UBE2E2: variants seen among roughly 807,000 people sequenced by gnomAD.
UBE2E2 encodes ubiquitin-conjugating enzyme E2 E2.
Under a neutral mutation model 24.7 loss-of-function variants are expected in UBE2E2, and 6 were observed. The observed-to-expected ratio is 0.24, with a 90% CI of 0.13 to 0.48. The LOEUF is 0.48. Among genes scored for constraint, UBE2E2 ranks in the 20% least tolerant of loss-of-function variants. The probability of loss-of-function intolerance (pLI) is 0.99; values close to 1 mark genes in which losing one functional copy is unlikely to be tolerated. For missense variants in UBE2E2, 169 were observed against 245.0 expected, an observed-to-expected ratio of 0.69 and a Z score of 2.07; for synonymous variants, 104 against 83.6, an observed-to-expected ratio of 1.24 and a Z score of -1.33.
rs140116573 is a variant in UBE2E2, at chr3:23,499,623, A to C, written c.243A>C (p.Gly81=). Residue 81 remains glycine (G), a synonymous_variant, in exon 4 of 6, where the codon GGA becomes GGC. Transcript: ENST00000396703. ...CTTATTTCAGTGCTGGACCCAAAGGAGACAACATTTATGAATGGAGGTCAA... is the reference window on the plus strand; with the variant it reads ...CTTATTTCAGTGCTGGACCCAAAGGCGACAACATTTATGAATGGAGGTCAA... ...PPPNCSAGPK[G]DNIYEWRSTI... is the part of the protein sequence containing the mutation. 27 of 1,613,386 alleles carry C rather than the reference A, an allele frequency of 1.7e-5. No homozygotes were observed. The African/African-American group carries it at 2.9e-4, about 18-fold the overall frequency.
chr3:23,270,447 T>C (rs1437046654), intron 3 of UBE2E2, among the ~76,000 whole-genome samples: 2 of 152,146 alleles, frequency 1.3e-5, no homozygotes, highest in Non-Finnish European at 2.9e-5. Flanking sequence ...GGTAGGAACC[T>C]GGAACCAAGG....
intron 5 of UBE2E2, among the ~76,000 whole-genome samples, chr3:23,543,206 C>T (rs1237648783): frequency 6.6e-6 from 1 of 152,074 alleles, no homozygotes; most frequent in Non-Finnish European, 1.5e-5. Context: ...GAAGTCCTAG[C>T]CAGAACAATC....
intron 3 of UBE2E2, among the ~76,000 whole-genome samples, chr3:23,274,763 A>G (rs1698339048): frequency 6.6e-6 from 1 of 152,198 alleles, no homozygotes; most frequent in Non-Finnish European, 1.5e-5. Context: ...TACACTGGAT[A>G]TTATTTGTAA....
chr3:23,347,728 C>T (rs1249708857), intron 3 of UBE2E2, among the ~76,000 whole-genome samples: 3 of 151,968 alleles, frequency 2.0e-5, no homozygotes, highest in South Asian at 2.1e-4. Flanking sequence ...TTTCTTCCAA[C>T]GTATTTATCA....
chr3:23,415,860 C>T (rs1575614576), intron 3 of UBE2E2, among the ~76,000 whole-genome samples: 1 of 152,072 alleles, frequency 6.6e-6, no homozygotes, highest in East Asian at 1.9e-4. Context: ...CCATCATCTA[C>T]ATTAGGTATT....
In UBE2E2 at chr3:23,280,687, A is replaced by G. The variant is rs1698473770; in HGVS notation, c.227+63375A>G. Among the ~76,000 whole-genome samples, 1 of 152,140 alleles carries G rather than the reference A, an allele frequency of 6.6e-6. No individual in the cohort carries two copies. Among genetic ancestry groups the G allele is most frequent in the Non-Finnish European group, 1.5e-5 (1 of 68,026 alleles). On this transcript the variant is annotated intron_variant, in intron 3 of 5. Transcript: ENST00000396703. The surrounding 1 kb of genome is among the most constrained non-coding windows in gnomAD (Gnocchi z 4.3). ...ATAACTGTGCTTGTCACAAAACCCA[A>G]TGCTTGGGCTCAGTAAATATTTATT...
At chr3:23,382,883 G>T (rs1415561917) in intron 3 of UBE2E2, among the ~76,000 whole-genome samples, 1 of 151,912 alleles carries the variant, frequency 6.6e-6, no homozygotes, top group African/African-American at 2.4e-5. Context: ...AAATCAAATT[G>T]TGAAAAGGTT....
At chr3:23,250,601 A>G (rs373024942) in intron 3 of UBE2E2, among the ~76,000 whole-genome samples, 1 of 152,330 alleles carries the variant, frequency 6.6e-6, no homozygotes, top group East Asian at 1.9e-4. Flanking sequence ...TATTGAATGC[A>G]TTGTCTCTTA....
At chr3:23,432,002 A>G (rs1420881440) in intron 3 of UBE2E2, among the ~76,000 whole-genome samples, 1 of 152,214 alleles carries the variant, frequency 6.6e-6, no homozygotes, top group Non-Finnish European at 1.5e-5. Context: ...ATTTAAGTGT[A>G]AAGCATGTAG....
rs542461779 is a variant in UBE2E2 at position 23,579,315 on chromosome 3, G to T, written c.509-10419G>T. Among the ~76,000 whole-genome samples the T allele has an allele frequency of 7.3e-5, 11 of 151,598 alleles. No homozygotes were observed. The South Asian group carries it at 2.3e-3, about 32-fold the overall frequency. On this transcript the variant is annotated intron_variant, in intron 5 of 5. Transcript: ENST00000396703. ...CAGGAGAATGGCGTGAACCCAGGAG[G>T]TGGAGCTTGCAGTGAGCCAAGATCG...
chr3:23,250,020 A>T (rs118003167), intron 3 of UBE2E2, among the ~76,000 whole-genome samples: 4,395 of 152,318 alleles, frequency 0.029, 110 homozygotes, highest in East Asian at 0.13. Flanking sequence ...TATATGCCAG[A>T]CACTGATCTA....
At chr3:23,298,442 A>G (rs1277146636) in intron 3 of UBE2E2, among the ~76,000 whole-genome samples, 1 of 152,164 alleles carries the variant, frequency 6.6e-6, no homozygotes, top group African/African-American at 2.4e-5. Flanking sequence ...GATAGCTCTT[A>G]TTATTTTGAG....
At chr3:23,565,052 C>G (rs555037642) in intron 5 of UBE2E2, among the ~76,000 whole-genome samples, 1 of 152,206 alleles carries the variant, frequency 6.6e-6, no homozygotes, top group South Asian at 2.1e-4. Flanking sequence ...AAAATTCCTC[C>G]TTGTCAAAAA....
intron 3 of UBE2E2, among the ~76,000 whole-genome samples, chr3:23,267,077 C>T (rs1698069735): frequency 6.6e-6 from 1 of 151,634 alleles, no homozygotes; most frequent in Non-Finnish European, 1.5e-5. Flanking sequence ...AAATTTATAG[C>T]ACTAAATGCC....
chr3:23,588,867 A>C (rs560604126), intron 5 of UBE2E2, among the ~76,000 whole-genome samples: 1 of 152,196 alleles, frequency 6.6e-6, no homozygotes, highest in Admixed American at 6.5e-5. Context: ...AACATCTATT[A>C]GTATTTTTGT....
chr3:23,334,369 G>A (rs1008826826), intron 3 of UBE2E2, among the ~76,000 whole-genome samples: 1 of 151,744 alleles, frequency 6.6e-6, no homozygotes, highest in South Asian at 2.1e-4. Context: ...CTAAGCCCTC[G>A]AGATCTCTTT....
chr3:23,534,381 T>G (rs969262720), intron 5 of UBE2E2: 12 of 286,176 alleles, frequency 4.2e-5, no homozygotes, highest in African/African-American at 2.7e-4. Flanking sequence ...CTGCAAAAAC[T>G]TAAAAATCAC....
intron 3 of UBE2E2, among the ~76,000 whole-genome samples, chr3:23,224,172 T>C (rs1426363920): frequency 6.7e-6 from 1 of 150,042 alleles, no homozygotes; most frequent in Non-Finnish European, 1.5e-5. Flanking sequence ...TTTTTTTTTT[T>C]TTTTTTTTAC....
At chr3:23,563,814 T>G (rs1431641867) in intron 5 of UBE2E2, among the ~76,000 whole-genome samples, 1 of 152,064 alleles carries the variant, frequency 6.6e-6, no homozygotes, top group African/African-American at 2.4e-5. Context: ...CCCAAGTAGT[T>G]AATGAGGTGT....
Sources: gnomAD v4.1 joint callset for allele counts (sites outside exome capture counted in the v4.1 genomes callset) on GRCh38, gnomAD v4.1.1 for gene constraint, Gnocchi (gnomAD v3.1) non-coding constraint, MANE v1.5 for transcripts, NCBI Gene and HGNC (gene_info 2026-07-23, HGNC 2026-07-21) for gene names.